The following TENM2 variants were observed in gnomAD, a reference collection of about 807,000 sequenced individuals.
TENM2 encodes teneurin transmembrane protein 2.
A neutral mutation model predicts 245.2 loss-of-function variants in TENM2; 52 were observed. The ratio of observed to expected loss-of-function variants is 0.21; its 90% CI spans 0.17 to 0.27. The LOEUF (loss-of-function observed/expected upper bound fraction) is 0.27, where lower values mean the gene tolerates loss of function less well. TENM2 is among the 10% of genes least tolerant of loss of function. The pLI is 1.00. For synonymous variants in TENM2, 1,363 were observed against 1,438.9 expected (o/e 0.95, Z 1.19); for missense variants, 3,046 against 3,666.8 (o/e 0.83, Z 4.37).
chr5:167,654,999 C>T (rs190392140), intron 2 of TENM2, among the ~76,000 whole-genome samples: 10 of 152,026 alleles, frequency 6.6e-5, no homozygotes, highest in African/African-American at 9.7e-5. Context: ...GAAGCCTACA[C>T]GATAAGTGCA....
chr5:167,413,580 T>C (rs1763016976), intron 2 of TENM2, among the ~76,000 whole-genome samples: 1 of 152,132 alleles, frequency 6.6e-6, no homozygotes, highest in African/African-American at 2.4e-5. Context: ...TCCAAACACA[T>C]TGTAGGTTTA....
chr5:168,006,372 G>A (rs982099145), intron 5 of TENM2, among the ~76,000 whole-genome samples: 2 of 152,182 alleles, frequency 1.3e-5, no homozygotes, highest in Non-Finnish European at 2.9e-5. Flanking sequence ...ATGCGGTCTT[G>A]ACTGAAGGTT....
intron 2 of TENM2, among the ~76,000 whole-genome samples, chr5:167,620,733 G>T (rs895998507): frequency 6.6e-6 from 1 of 151,932 alleles, no homozygotes; most frequent in Non-Finnish European, 1.5e-5. Flanking sequence ...GCAATCTTGG[G>T]AGGAGAAATG....
intron 1 of TENM2, among the ~76,000 whole-genome samples, chr5:167,335,182 A>G (rs1055547080): frequency 5.3e-5 from 8 of 152,204 alleles, no homozygotes; most frequent in African/African-American, 1.7e-4. Context: ...GGCAGAAGGC[A>G]AAGCAGGAGC....
the TENM2 span, among the ~76,000 whole-genome samples, chr5:167,070,580 T>C: frequency 6.6e-6 from 1 of 152,140 alleles, no homozygotes; most frequent in Non-Finnish European, 1.5e-5. Context: ...GTTAAGTGAA[T>C]AATCTATATA....
rs149533207 is a variant in TENM2 at position 168,218,412 on chromosome 5, C to G, written c.4521C>G (p.Asn1507Lys). The change falls in exon 23 of 29, where the codon AAC becomes AAG. Residue 1507 changes from asparagine to lysine, a missense_variant. By Grantham distance (94) the Asn-to-Lys change is moderately conservative. Transcript: ENST00000518659. This position sits in a 1 kb window ranked among gnomAD's most constrained non-coding sequence, Gnocchi z 5.2. Reference sequence around the variant, plus strand: ...ACCGTCTACGCCAGGTAACAACCAACGGGGAGATCTGCCTTTTAGCTGGGG... The same window carrying G: ...ACCGTCTACGCCAGGTAACAACCAAGGGGGAGATCTGCCTTTTAGCTGGGG... 6.2e-7 allele frequency: 1 copy of G among 1,614,018 alleles called. No individual in the cohort carries two copies.
intron 2 of TENM2, among the ~76,000 whole-genome samples, chr5:167,427,182 G>A (rs1017076520): frequency 6.6e-5 from 10 of 152,154 alleles, no homozygotes; most frequent in South Asian, 2.1e-4. Context: ...GGCCGGGCGC[G>A]GTGGCTCACG....
chr5:168,206,693 T>C (rs1465713258), intron 19 of TENM2, among the ~76,000 whole-genome samples: 1 of 152,132 alleles, frequency 6.6e-6, no homozygotes, highest in East Asian at 1.9e-4. Context: ...AGATGTTGTT[T>C]TTGTTTGCTT....
At chr5:168,083,074 C>T (rs181874812) in intron 7 of TENM2, among the ~76,000 whole-genome samples, 2,223 of 152,306 alleles carry the variant, frequency 0.015, 116 homozygotes, top group Admixed American at 0.098. Flanking sequence ...GGCAGGAAGG[C>T]CTCCTTGAGC....
At chr5:168,121,657 C>T (rs1288294403) in intron 10 of TENM2, among the ~76,000 whole-genome samples, 1 of 151,804 alleles carries the variant, frequency 6.6e-6, no homozygotes, top group Non-Finnish European at 1.5e-5. Flanking sequence ...AGAAAAATGC[C>T]ATTTTCATTT....
chr5:167,484,507 C>T lies in TENM2; in HGVS notation c.502+109034C>T, dbSNP rs182052554. 3.3e-5 allele frequency among the ~76,000 whole-genome samples: 5 copies of T among 152,254 alleles called. No homozygotes were observed. In the East Asian group the frequency reaches 9.6e-4, roughly 29 times the overall value. On this transcript the variant is annotated intron_variant, in intron 2 of 28. Coordinates refer to ENST00000518659, the Ensembl canonical transcript of TENM2. Reference sequence around the variant, plus strand: ...ACCCTTCCCTCCCAGCGCTCAGGAGCCAACCCAGCAGACACCTAGATTTTG... The same window carrying T: ...ACCCTTCCCTCCCAGCGCTCAGGAGTCAACCCAGCAGACACCTAGATTTTG...
the TENM2 span, among the ~76,000 whole-genome samples, chr5:167,095,834 G>A: frequency 6.7e-6 from 1 of 148,718 alleles, no homozygotes; most frequent in Non-Finnish European, 1.5e-5. Flanking sequence ...GCAATGGCGT[G>A]ATCTCGGCTC....
At chr5:167,602,827 A>G (rs1465489721) in intron 2 of TENM2, among the ~76,000 whole-genome samples, 2 of 152,204 alleles carry the variant, frequency 1.3e-5, no homozygotes, top group African/African-American at 2.4e-5. Flanking sequence ...GGGCAAAAGA[A>G]AATTTCATAG....
chr5:167,632,228 G>T (rs1434610218), intron 2 of TENM2, among the ~76,000 whole-genome samples: 1 of 152,138 alleles, frequency 6.6e-6, no homozygotes, highest in Non-Finnish European at 1.5e-5. Flanking sequence ...TGGAAAGTCT[G>T]TCCCATAAGT....
chr5:167,037,562 C>T, the TENM2 span, among the ~76,000 whole-genome samples: 45 of 152,330 alleles, frequency 3.0e-4, no homozygotes, highest in South Asian at 8.7e-3. Context: ...CTGGGACCCT[C>T]TTTCTGTTCC....
At chr5:167,091,106 G>C in the TENM2 span, among the ~76,000 whole-genome samples, 2 of 152,076 alleles carry the variant, frequency 1.3e-5, no homozygotes, top group Non-Finnish European at 2.9e-5. Flanking sequence ...ATAGAAGCTG[G>C]GGTTTTTTTT....
intron 2 of TENM2, among the ~76,000 whole-genome samples, chr5:167,849,238 C>A (rs971428065): frequency 2.0e-5 from 3 of 151,944 alleles, no homozygotes; most frequent in Non-Finnish European, 4.4e-5. Context: ...GACCGCTAAC[C>A]CTCCTGCCCC....
intron 2 of TENM2, among the ~76,000 whole-genome samples, chr5:167,548,074 A>T (rs555962612): frequency 1.3e-5 from 2 of 152,184 alleles, no homozygotes; most frequent in Non-Finnish European, 2.9e-5. Context: ...ATTCCCCAGG[A>T]TGAGAGGTTT....
intron 2 of TENM2, among the ~76,000 whole-genome samples, chr5:167,564,541 G>A (rs1773782429): frequency 6.6e-6 from 1 of 152,138 alleles, no homozygotes; most frequent in East Asian, 1.9e-4. Flanking sequence ...ATAATCAGCA[G>A]GGGATGTATC....
Sources: gnomAD v4.1 joint callset for allele counts (sites outside exome capture counted in the v4.1 genomes callset) on GRCh38, gnomAD v4.1.1 for gene constraint, Gnocchi (gnomAD v3.1) non-coding constraint, MANE v1.5 for transcripts, NCBI Gene and HGNC (gene_info 2026-07-23, HGNC 2026-07-21) for gene names.